The following RABGEF1 variants were observed in gnomAD, a reference collection of about 807,000 sequenced individuals.
RABGEF1 encodes the protein RAB guanine nucleotide exchange factor 1, also known as rab5 GDP/GTP exchange factor.
RABGEF1 carries 26 observed loss-of-function variants against 57.3 expected under a neutral mutation model. The observed-to-expected ratio is 0.45, with a 90% CI of 0.33 to 0.63. The LOEUF (loss-of-function observed/expected upper bound fraction) is 0.63, where lower values mean the gene tolerates loss of function less well. Ranked by LOEUF, RABGEF1 falls within the 20% of genes least tolerant of loss-of-function variation. The pLI is 0.02. For missense variants in RABGEF1, 464 were observed against 607.6 expected, an observed-to-expected ratio of 0.76 and a Z score of 2.48; for synonymous variants, 185 against 210.7, an observed-to-expected ratio of 0.88 and a Z score of 1.06.
chr7:66,774,912 C>G (rs572241982), intron 2 of RABGEF1, among the ~76,000 whole-genome samples: 1 of 152,274 alleles, frequency 6.6e-6, no homozygotes, highest in Admixed American at 6.5e-5. Context: ...AGCAGCTGTC[C>G]CATTCTGTAG....
intron 4 of RABGEF1, among the ~76,000 whole-genome samples, chr7:66,785,036 A>G (rs1337376146): frequency 6.6e-6 from 1 of 152,228 alleles, no homozygotes; most frequent in African/African-American, 2.4e-5. Flanking sequence ...TGTATACTGT[A>G]GTACATATAG....
intron 3 of RABGEF1, among the ~76,000 whole-genome samples, chr7:66,777,662 A>G (rs1440618692): frequency 6.6e-6 from 1 of 152,124 alleles, no homozygotes; most frequent in African/African-American, 2.4e-5. Context: ...AGTGGCTTCT[A>G]CCTACCTATA....
intron 1 of RABGEF1, among the ~76,000 whole-genome samples, chr7:66,769,735 G>T (rs1486293577): frequency 6.6e-6 from 1 of 152,178 alleles, no homozygotes; most frequent in Non-Finnish European, 1.5e-5. Context: ...ATCTTATCAT[G>T]CTTTCCCCTT....
the RABGEF1 span, among the ~76,000 whole-genome samples, chr7:66,660,535 A>T: frequency 1.3e-5 from 2 of 150,534 alleles, no homozygotes; most frequent in East Asian, 4.0e-4. Context: ...AAATATGGGT[A>T]AACCAGCTGG....
At chr7:66,686,280 CAA>C (rs1435924070) in intron 1 of RABGEF1, among the ~76,000 whole-genome samples, 29 of 94,166 alleles carry the variant, frequency 3.1e-4, no homozygotes, top group Non-Finnish European at 3.6e-4. Flanking sequence ...GACTCTGTCT[CAA>C]AAAAAAAAAA....
intron 3 of RABGEF1, among the ~76,000 whole-genome samples, chr7:66,782,394 T>A (rs1810134409): frequency 6.6e-6 from 1 of 152,102 alleles, no homozygotes; most frequent in African/African-American, 2.4e-5. Context: ...TTATTCTGAG[T>A]TATAAACACA....
intron 1 of RABGEF1, among the ~76,000 whole-genome samples, chr7:66,758,212 G>A (rs575403561): frequency 2.1e-4 from 32 of 152,218 alleles, no homozygotes; most frequent in African/African-American, 7.2e-4. Context: ...AAGTATTTTC[G>A]TTTTGCTTTT....
chr7:66,770,860 C>A (rs1179115156), intron 1 of RABGEF1, among the ~76,000 whole-genome samples: 2 of 152,002 alleles, frequency 1.3e-5, no homozygotes, highest in African/African-American at 4.8e-5. Context: ...TTTGCATTTC[C>A]CTGATGATTA....
intron 3 of RABGEF1, among the ~76,000 whole-genome samples, chr7:66,782,260 G>A (rs1004760681): frequency 6.6e-5 from 10 of 152,244 alleles, no homozygotes; most frequent in Non-Finnish European, 1.0e-4. Context: ...TAGCATAAGA[G>A]GTATGGTCAG....
intron 3 of RABGEF1, among the ~76,000 whole-genome samples, chr7:66,779,458 C>T (rs1316749394): frequency 3.3e-5 from 5 of 151,246 alleles, no homozygotes; most frequent in African/African-American, 4.9e-5. Flanking sequence ...GAGCCAAGAT[C>T]GTGCCATTGC....
chr7:66,775,737 C>T (rs1487216776), intron 3 of RABGEF1, among the ~76,000 whole-genome samples: 3 of 152,074 alleles, frequency 2.0e-5, no homozygotes, highest in Non-Finnish European at 4.4e-5. Flanking sequence ...TGGTATAATA[C>T]CCTCACTGTT....
chr7:66,808,935 T>A lies in RABGEF1; in HGVS notation c.1127T>A (p.Leu376Gln), dbSNP rs369968421. The change falls in exon 9 of 9, where the codon CTA becomes CAA. Residue 376 changes from leucine to glutamine, a missense_variant. Physicochemically the swap from Leu to Gln is moderately radical, Grantham distance 113. Around this residue, in one of 4 missense-constraint regions of RABGEF1, gnomAD observed 151 missense variants for 152.2 expected, o/e 0.99. Coordinates refer to ENST00000284957, the MANE Select transcript of RABGEF1 (RefSeq NM_014504.3). ...IEKLDAQSLN[L>Q]SQEDFDRYMS... ...AAGCTAGACGCCCAGTCTTTGAATC[T>A]AAGTCAGGAGGATTTTGATCGCTAC... 2 of 1,612,310 alleles carry A rather than the reference T, an allele frequency of 1.2e-6. No homozygotes were observed. The highest frequency in any genetic ancestry group is 1.7e-6 in the Non-Finnish European group (2 of 1,178,458).
At chr7:66,661,678 A>C in the RABGEF1 span, among the ~76,000 whole-genome samples, 17 of 152,268 alleles carry the variant, frequency 1.1e-4, no homozygotes, top group African/African-American at 3.6e-4. Context: ...TTACCAGTCA[A>C]TTCTACCAGA....
intron 1 of RABGEF1, among the ~76,000 whole-genome samples, chr7:66,771,503 TGGTGTCATATCCTA>T (rs918923350): frequency 6.6e-5 from 10 of 152,204 alleles, no homozygotes; most frequent in Non-Finnish European, 1.3e-4. Context: ...CCTGTGCTTT[TGGTGTCATATCCTA>T]GAAGTCATTG....
chr7:66,809,378 T>G lies in RABGEF1; in HGVS notation c.*94T>G. 7.8e-7 allele frequency: 1 copy of G among 1,275,106 alleles called. No individual in the cohort carries two copies. The highest frequency in any genetic ancestry group is 1.5e-5 in the South Asian group (1 of 65,418). 79.0% of individuals were successfully genotyped at this position (1,275,106 alleles called of 1,614,324 possible). ...GGGATCTAGAATGTAACTAAATTGC[T>G]TATAAATGTCAGCATTTTTTAAAGG... On this transcript the variant is annotated 3_prime_UTR_variant, in exon 9 of 9. Coordinates refer to ENST00000284957, the MANE Select transcript of RABGEF1 (RefSeq NM_014504.3).
At chr7:66,743,736 C>G (rs768039223) in intron 1 of RABGEF1, among the ~76,000 whole-genome samples, 1 of 152,112 alleles carries the variant, frequency 6.6e-6, no homozygotes, top group Admixed American at 6.5e-5. Context: ...CTCCTGACCT[C>G]GTGATCCGCC....
chr7:66,776,784 A>G (rs1808661876), intron 3 of RABGEF1, among the ~76,000 whole-genome samples: 1 of 152,198 alleles, frequency 6.6e-6, no homozygotes, highest in South Asian at 2.1e-4. Context: ...TTTTATCTCT[A>G]CGAAAAAGGG....
At chr7:66,731,950 C>T (rs1797367546) in intron 2 of RABGEF1, among the ~76,000 whole-genome samples, 2 of 152,192 alleles carry the variant, frequency 1.3e-5, no homozygotes, top group African/African-American at 2.4e-5. Context: ...CCATCCACTC[C>T]CCCCAGGGCC....
intron 1 of RABGEF1, among the ~76,000 whole-genome samples, chr7:66,705,447 G>C (rs13309796): frequency 0.071 from 3,886 of 55,104 alleles, 193 homozygotes; most frequent in African/African-American, 0.11. Flanking sequence ...GAAAGAAAGA[G>C]AGAGAGAGAG....
Sources: allele counts gnomAD v4.1 joint callset (sites outside exome capture counted in the v4.1 genomes callset), GRCh38; gene constraint gnomAD v4.1.1; regional missense constraint gnomAD v4.1.1; transcripts MANE v1.5; gene names NCBI Gene and HGNC (gene_info 2026-07-23, HGNC 2026-07-21).